PHYKPL: variants seen among roughly 807,000 people sequenced by gnomAD.
PHYKPL encodes 5-phosphonooxy-L-lysine phospho-lyase.
In PHYKPL, 42 loss-of-function variants were observed where a neutral mutation model predicts 51.3. The observed-to-expected ratio is 0.82, with a 90% CI of 0.64 to 1.06. PHYKPL has a LOEUF of 1.06. PHYKPL is among the 50% of genes least tolerant of loss of function. The probability of loss-of-function intolerance (pLI) is 0.00; values close to 1 mark genes in which losing one functional copy is unlikely to be tolerated. For synonymous variants in PHYKPL, 264 were observed against 236.0 expected, an observed-to-expected ratio of 1.12 and a Z score of -1.09; for missense variants, 655 against 586.6, an observed-to-expected ratio of 1.12 and a Z score of -1.20.
At chr5:178,207,691 CTTTTTTTT>C (rs34424574), downstream of PHYKPL, among the ~76,000 whole-genome samples, 438 of 78,796 alleles carry the variant, frequency 5.6e-3, 12 homozygotes, top group East Asian at 0.14. Context: ...ACTTTGAGCA[CTTTTTTTT>C]TTTTTTTTTT....
Position 178,212,995 on chromosome 5 carries a change from T to C in PHYKPL, c.1281A>G (p.Ala427=). 1.9e-6 allele frequency: 3 copies of C among 1,614,152 alleles called. No homozygotes were observed. The highest frequency in any genetic ancestry group is 2.5e-6 in the Non-Finnish European group (3 of 1,180,002). The change falls in exon 11 of 13, where the codon GCA becomes GCG. Residue 427 remains alanine (A), a synonymous_variant. Transcript: ENST00000308158. ...FSLDNARQVV[A]KLDAILTDME... ...CACCAGTCAGAATGGCATCCAGCTTTGCCACCACCTGCCGTGCATTGTCCA... is the reference window on the plus strand; with the variant it reads ...CACCAGTCAGAATGGCATCCAGCTTCGCCACCACCTGCCGTGCATTGTCCA...
intron 3 of PHYKPL, 115 bp downstream of exon 3, chr5:178,229,825 G>A (rs1244437343): frequency 6.7e-6 from 9 of 1,346,630 alleles, no homozygotes; most frequent in Non-Finnish European, 8.2e-6. Context: ...CTGGTGCAGT[G>A]GGGGCTGCCT....
chr5:178,231,994 C>A, intron 1 of PHYKPL: 1 of 1,206,556 alleles, frequency 8.3e-7, no homozygotes, highest in Non-Finnish European at 1.1e-6. Flanking sequence ...GGGAGGCGAC[C>A]TCACCCACCG....
At chr5:178,209,425 C>T (rs778624895) in intron 12 of PHYKPL, 92 of 1,613,896 alleles carry the variant, frequency 5.7e-5, no homozygotes, top group East Asian at 1.1e-4. Flanking sequence ...ACCGAGGCAG[C>T]GGAGGTGGTG....
At position 178,210,651 on chromosome 5, in the gene PHYKPL, G is replaced by A. The variant is rs375570673; in HGVS notation, c.*31+1239C>T. 8.9e-4 allele frequency: 1,386 copies of A among 1,564,346 alleles called. 5 individuals are homozygous for A. The highest frequency in any genetic ancestry group is 3.5e-3 in the South Asian group (313 of 90,086). On this transcript the variant is annotated intron_variant, in intron 12 of 12. Coordinates refer to ENST00000308158, the MANE Select transcript of PHYKPL (RefSeq NM_153373.4). Reference sequence around the variant, plus strand: ...CGGCAGCAGGAGCGACCAACTGATCGCACACATGCTTTGTTTGGATATGGA... The same window carrying A: ...CGGCAGCAGGAGCGACCAACTGATCACACACATGCTTTGTTTGGATATGGA...
chr5:178,210,507 GC>G, intron 12 of PHYKPL: 1 of 1,582,332 alleles, frequency 6.3e-7, no homozygotes, highest in Non-Finnish European at 8.7e-7. Context: ...GTGGCACAGG[GC>G]AAATGCTTGT....
chr5:178,231,644 G>A, intron 1 of PHYKPL, 121 bp from the exon 2 acceptor site: 3 of 1,602,182 alleles, frequency 1.9e-6, no homozygotes, highest in Non-Finnish European at 2.6e-6. Flanking sequence ...ATGAGAGCTG[G>A]AAGGGCAAGG....
chr5:178,230,304 G>A (rs1175228239), intron 2 of PHYKPL: 7 of 585,856 alleles, frequency 1.2e-5, no homozygotes, highest in Non-Finnish European at 2.1e-5. Flanking sequence ...CTGGCAGAAG[G>A]AAAGCCGCTT....
intron 3 of PHYKPL, chr5:178,228,237 C>A: frequency 2.5e-6 from 1 of 393,746 alleles, no homozygotes; most frequent in Non-Finnish European, 4.6e-6. Context: ...CAGGATCAGC[C>A]CCAAGGAACA....
intron 6 of PHYKPL, chr5:178,223,536 G>A (rs1761639806): frequency 2.2e-6 from 1 of 454,734 alleles, no homozygotes; most frequent in African/African-American, 2.0e-5. Flanking sequence ...GGGAGGGCAG[G>A]GCCAATGGGA....
chr5:178,219,224 C>T (rs6859201), intron 8 of PHYKPL, among the ~76,000 whole-genome samples: 77,909 of 151,788 alleles, frequency 0.51, 20,223 homozygotes, highest in African/African-American at 0.59. Flanking sequence ...AAATTTAAAA[C>T]TTTATAAATA....
intron 12 of PHYKPL, chr5:178,210,259 C>T (rs1157635437): frequency 6.8e-6 from 11 of 1,613,952 alleles, no homozygotes; most frequent in Admixed American, 1.7e-5. Context: ...GCTACGGCCC[C>T]GGCTACGACT....
intron 8 of PHYKPL, among the ~76,000 whole-genome samples, chr5:178,217,598 C>T (rs989382149): frequency 1.3e-5 from 2 of 151,226 alleles, no homozygotes; most frequent in African/African-American, 2.4e-5. Context: ...GTGACTCACA[C>T]CTGTAATCCC....
chr5:178,224,757 G>C (rs760124521), intron 4 of PHYKPL, 28 bp from the exon 5 acceptor site: 1 of 1,579,698 alleles, frequency 6.3e-7, no homozygotes, highest in Non-Finnish European at 8.7e-7. Flanking sequence ...GGGTAGGCTC[G>C]GGTCCGGGCA....
chr5:178,232,118 G>A, intron 1 of PHYKPL: 3 of 1,190,482 alleles, frequency 2.5e-6, no homozygotes, highest in Non-Finnish European at 3.2e-6. Flanking sequence ...CCAGGCCCAG[G>A]TGCTGCTGAC....
Position 178,211,982 on chromosome 5 carries a change from C to A in PHYKPL, c.1304-12G>T. On this transcript the variant is annotated splice_polypyrimidine_tract_variant and intron_variant, in intron 11 of 12. Transcript: ENST00000308158. ...CTTCTCTTCCATGTCTGAAAAAGAC[C>A]ACAAAGCAATGCCGACTCAGTCACC... 6.2e-7 allele frequency: 1 copy of A among 1,614,100 alleles called. No individual in the cohort carries two copies. Among genetic ancestry groups the A allele is most frequent in the Non-Finnish European group, 8.5e-7 (1 of 1,179,978 alleles).
chr5:178,210,179 G>A (rs1295591131), intron 12 of PHYKPL: 3 of 1,613,564 alleles, frequency 1.9e-6, no homozygotes, highest in Admixed American at 3.3e-5. Context: ...CTGGAACCAG[G>A]GCTACGGCTA....
chr5:178,229,818 G>C, intron 3 of PHYKPL, 122 bp downstream of exon 3: 1 of 1,260,766 alleles, frequency 7.9e-7, no homozygotes, highest in Non-Finnish European at 1.1e-6. Flanking sequence ...CAGGAGCCTG[G>C]TGCAGTGGGG....
At chr5:178,224,367 T>A in intron 6 of PHYKPL, 81 bp downstream of exon 6, 1 of 1,399,190 alleles carries the variant, frequency 7.1e-7, no homozygotes, top group South Asian at 1.4e-5. Context: ...CTCTCTGGGT[T>A]CCCAGCATCT....
Sources: gnomAD v4.1 joint callset for allele counts (sites outside exome capture counted in the v4.1 genomes callset) on GRCh38, gnomAD v4.1.1 for gene constraint, MANE v1.5 for transcripts, NCBI Gene and HGNC (gene_info 2026-07-23, HGNC 2026-07-21) for gene names.